Variants in PCBP2 observed in about 807,000 individuals in gnomAD.
PCBP2 encodes poly(rC) binding protein 2.
A neutral mutation model predicts 50.1 loss-of-function variants in PCBP2; 4 were observed. The ratio of observed to expected loss-of-function variants is 0.08; its 90% confidence interval spans 0.04 to 0.18. PCBP2 has a LOEUF of 0.18. Ranked by LOEUF, PCBP2 falls within the 10% of genes least tolerant of loss-of-function variation. The pLI is 1.00. For missense variants in PCBP2, 161 were observed against 474.3 expected, an observed-to-expected ratio of 0.34 and a Z score of 6.14; for synonymous variants, 179 against 168.0, an observed-to-expected ratio of 1.07 and a Z score of -0.51.
In PCBP2 at chr12:53,479,586, A is replaced by AT. The variant is rs1942914772; in HGVS notation, c.*150dup. 7.8e-6 allele frequency: 4 copies of AT among 511,604 alleles called. No individual in the cohort carries two copies. Among genetic ancestry groups the AT allele is most frequent in the Non-Finnish European group, 1.4e-5 (4 of 283,844 alleles). 31.7% of individuals were successfully genotyped at this position (511,604 alleles called of 1,614,324 possible). On this transcript the variant is annotated 3_prime_UTR_variant, in exon 15 of 15. Transcript: ENST00000546463. ...CTACACACTTTATCATCCACTCGTG[A>AT]TTTTTTAATTAAAGCGTTTTAATTC...
chr12:53,456,118 G>A (rs1940989541), intron 5 of PCBP2, 117 bp downstream of exon 5: 1 of 705,732 alleles, frequency 1.4e-6, no homozygotes, highest in African/African-American at 1.8e-5. Flanking sequence ...CGCTGTAAAT[G>A]GGTCCTTAGC....
At chr12:53,459,173 C>T (rs559456024) in intron 5 of PCBP2, 99 bp from the exon 6 acceptor site, 36 of 1,032,734 alleles carry the variant, frequency 3.5e-5, no homozygotes, top group Admixed American at 5.1e-5. Flanking sequence ...CCTCGCATGT[C>T]CTAATAAGAT....
chr12:53,466,028 G>A (rs1169440675), intron 10 of PCBP2, 55 bp downstream of exon 10: 50 of 1,471,566 alleles, frequency 3.4e-5, no homozygotes, highest in Non-Finnish European at 4.6e-5. Context: ...ATCCAAAATT[G>A]TCTCACTCCT....
At chr12:53,462,449 A>G (rs1941512548) in intron 7 of PCBP2, 44 bp from the exon 8 acceptor site, 1 of 1,541,264 alleles carries the variant, frequency 6.5e-7, no homozygotes, top group Non-Finnish European at 8.9e-7. Flanking sequence ...GCAGCTTTGA[A>G]ACCTTATCTC....
At chr12:53,452,500 C>CCACCT (rs982501787) in intron 1 of PCBP2, 124 bp downstream of exon 1, 2 of 151,474 alleles carry the variant, frequency 1.3e-5, no homozygotes, top group Non-Finnish European at 2.9e-5. Flanking sequence ...TGAGCGCCTA[C>CCACCT]CACCTCACTG....
intron 11 of PCBP2, 197 bp downstream of exon 11, chr12:53,467,490 T>A: frequency 1.6e-6 from 1 of 642,526 alleles, no homozygotes; most frequent in African/African-American, 1.8e-5. Context: ...TCAGTTATTC[T>A]AAAAGAAAAA....
intron 9 of PCBP2, among the ~76,000 whole-genome samples, chr12:53,465,606 G>T (rs149845470): frequency 3.3e-5 from 5 of 152,322 alleles, no homozygotes; most frequent in Admixed American, 3.3e-4. Flanking sequence ...TATACAGGGA[G>T]GAAGAGTGGG....
chr12:53,463,656 C>T (rs1941608242), intron 8 of PCBP2, among the ~76,000 whole-genome samples: 1 of 152,088 alleles, frequency 6.6e-6, no homozygotes, highest in Non-Finnish European at 1.5e-5. Flanking sequence ...GGGGGGAATC[C>T]TAGGACTAAT....
Position 53,454,710 on chromosome 12 carries a change from C to G in PCBP2, c.-75-16C>G, listed in dbSNP as rs1286612603. On this transcript the variant is annotated splice_polypyrimidine_tract_variant and intron_variant, in intron 1 of 14. Coordinates refer to ENST00000546463, the MANE Select transcript of PCBP2 (RefSeq NM_031989.5). Reference sequence around the variant, plus strand: ...GTTGTTTTCCTCCTCTGATTTTGGTCATGTTTGCATTTTAGTTTTTGGCTT... The same window carrying G: ...GTTGTTTTCCTCCTCTGATTTTGGTGATGTTTGCATTTTAGTTTTTGGCTT... 1 of 915,726 alleles carries G rather than the reference C, an allele frequency of 1.1e-6. No individual in the cohort carries two copies. Among genetic ancestry groups the G allele is most frequent in the African/African-American group, 1.6e-5 (1 of 61,620 alleles). The allele number at this position is 915,726 out of a possible 1,614,324, so 56.7% of individuals were successfully genotyped here.
intron 5 of PCBP2, 36 bp from the exon 6 acceptor site, chr12:53,459,236 G>A (rs760229423): frequency 1.0e-4 from 155 of 1,541,372 alleles, no homozygotes; most frequent in Non-Finnish European, 9.1e-5. Flanking sequence ...CTAGTTTCCA[G>A]GGATCTGCTT....
intron 5 of PCBP2, among the ~76,000 whole-genome samples, chr12:53,458,394 C>T (rs1340329863): frequency 1.3e-5 from 2 of 151,124 alleles, no homozygotes; most frequent in Non-Finnish European, 2.9e-5. Context: ...CAACCTCTTC[C>T]TCCCGGATTC....
At chr12:53,459,227 T>C in intron 5 of PCBP2, 45 bp from the exon 6 acceptor site, 1 of 1,527,984 alleles carries the variant, frequency 6.5e-7, no homozygotes, top group Non-Finnish European at 8.8e-7. Context: ...TGGCAGTTAC[T>C]AGTTTCCAGG....
Position 53,452,575 on chromosome 12 carries a change from C to T in PCBP2, c.-76+199C>T, listed in dbSNP as rs1229129812. Among the ~76,000 whole-genome samples the T allele has an allele frequency of 2.6e-5, 4 of 151,592 alleles. No homozygotes were observed. In the East Asian group the frequency reaches 5.9e-4, roughly 22 times the overall value. ...CGGCCTAGTAGGCCTCGCGCAAGGC[C>T]TATTCCCCCCTCCCCCCGCCTTTTC... On this transcript the variant is annotated intron_variant, in intron 1 of 14. Transcript: ENST00000546463.
At chr12:53,472,739 C>T (rs534451708) in intron 14 of PCBP2, among the ~76,000 whole-genome samples, 2 of 152,138 alleles carry the variant, frequency 1.3e-5, no homozygotes, top group Non-Finnish European at 2.9e-5. Context: ...TGTGCTTGTA[C>T]TGACCATGTA....
At chr12:53,470,760 T>TG (rs1318900002) in intron 13 of PCBP2, among the ~76,000 whole-genome samples, 9 of 151,158 alleles carry the variant, frequency 6.0e-5, no homozygotes, top group Non-Finnish European at 8.9e-5. Flanking sequence ...TAACCAGTTT[T>TG]TTTTTTTTTT....
intron 14 of PCBP2, 85 bp from the exon 15 acceptor site, chr12:53,479,321 A>T: frequency 8.4e-7 from 1 of 1,189,836 alleles, no homozygotes; most frequent in Non-Finnish European, 1.3e-6. Flanking sequence ...CTGGTTATTT[A>T]CTCTTCACAT....
chr12:53,457,344 G>T (rs1321286846), intron 5 of PCBP2, among the ~76,000 whole-genome samples: 1 of 152,126 alleles, frequency 6.6e-6, no homozygotes, highest in East Asian at 1.9e-4. Context: ...GAGCCACCAT[G>T]CCCAGCCTGG....
intron 14 of PCBP2, among the ~76,000 whole-genome samples, chr12:53,472,177 G>A (rs948298833): frequency 1.3e-5 from 2 of 152,156 alleles, no homozygotes; most frequent in Non-Finnish European, 2.9e-5. Flanking sequence ...TTGATTTGGA[G>A]TCCAAAGCAC....
At chr12:53,474,594 A>G (rs1441105351) in intron 14 of PCBP2, among the ~76,000 whole-genome samples, 1 of 152,208 alleles carries the variant, frequency 6.6e-6, no homozygotes, top group Non-Finnish European at 1.5e-5. Flanking sequence ...TGTGTCAGAT[A>G]CATGAAGTAT....
Sources: gnomAD v4.1 joint callset for allele counts (sites outside exome capture counted in the v4.1 genomes callset) on GRCh38, gnomAD v4.1.1 for gene constraint, MANE v1.5 for transcripts, NCBI Gene and HGNC (gene_info 2026-07-23, HGNC 2026-07-21) for gene names.